The following CYP24A1 variants were observed in gnomAD, a reference collection of about 807,000 sequenced individuals.
The protein encoded by CYP24A1 is 1,25-dihydroxyvitamin D(3) 24-hydroxylase, mitochondrial.
In CYP24A1, 68 loss-of-function variants were observed where a neutral mutation model predicts 62.4. That is an observed-to-expected ratio of 1.09 (90% CI 0.90 to 1.33). The LOEUF is 1.33. CYP24A1 is among the 40% of genes most tolerant of loss of function. The probability of loss-of-function intolerance (pLI) is 0.00; values close to 1 mark genes in which losing one functional copy is unlikely to be tolerated. For missense variants in CYP24A1, 787 were observed against 653.0 expected, an observed-to-expected ratio of 1.21 and a Z score of -2.24; for synonymous variants, 267 against 253.0, an observed-to-expected ratio of 1.06 and a Z score of -0.52.
intron 6 of CYP24A1, among the ~76,000 whole-genome samples, chr20:54,163,911 A>G (rs2092661609): frequency 6.6e-6 from 1 of 152,114 alleles, no homozygotes; most frequent in South Asian, 2.1e-4. Context: ...GCTGAACTTG[A>G]ACTCAGGAGT....
At chr20:54,146,671 C>G in the CYP24A1 span, among the ~76,000 whole-genome samples, 1 of 152,184 alleles carries the variant, frequency 6.6e-6, no homozygotes, top group Non-Finnish European at 1.5e-5. Flanking sequence ...CTTTACCTTT[C>G]TGCTCAATGT....
At chr20:54,158,892 C>T (rs982273672) in intron 8 of CYP24A1, 65 bp downstream of exon 8, 2 of 1,613,416 alleles carry the variant, frequency 1.2e-6, no homozygotes, top group African/African-American at 2.7e-5. Flanking sequence ...TAGGGGACCA[C>T]TTGTTTTGTG....
Position 54,165,750 on chromosome 20 carries a change from TG to T in CYP24A1, c.723del (p.Ile242SerfsTer4). On this transcript the variant is annotated frameshift_variant, in exon 5 of 12. Coordinates refer to ENST00000216862, the MANE Select transcript of CYP24A1 (RefSeq NM_000782.5). LOFTEE classifies it high-confidence loss of function. Reference sequence around the variant, plus strand: ...TTAAAGAGGCTGCTTACTGTTTTGATGGCCATGATGAAGTTCACAGCTTCAT... The same window carrying T: ...TTAAAGAGGCTGCTTACTGTTTTGATGCCATGATGAAGTTCACAGCTTCAT... ...AGDEAVNFIM[A>X]IKTMMSTFGR... 2 of 1,448,074 alleles carry T rather than the reference TG, an allele frequency of 1.4e-6. No homozygotes were observed. Among genetic ancestry groups the T allele is most frequent in the Non-Finnish European group, 1.9e-6 (2 of 1,028,052 alleles). The allele number at this position is 1,448,074 out of a possible 1,614,324, so 89.7% of individuals were successfully genotyped here. A position where few individuals can be genotyped will look rare whatever the true frequency, so the allele number is the denominator to read the frequency against.
intron 11 of CYP24A1, among the ~76,000 whole-genome samples, chr20:54,156,328 T>C (rs1341195771): frequency 6.6e-6 from 1 of 152,136 alleles, no homozygotes; most frequent in Non-Finnish European, 1.5e-5. Flanking sequence ...CTGGATAATA[T>C]CTTGTCAGAC....
In CYP24A1 at chr20:54,162,761, A is replaced by G; in HGVS notation, c.946T>C (p.Leu316=). 1.9e-6 allele frequency: 3 copies of G among 1,597,102 alleles called. No homozygotes were observed. Among genetic ancestry groups the G allele is most frequent in the Non-Finnish European group, 1.7e-6 (2 of 1,164,802 alleles). Residue 316 remains leucine, a synonymous_variant, in exon 7 of 12, where the codon TTG becomes CTG. Transcript: ENST00000216862. ...TGGAGCTCTGTGACAGCAGCATACA[A>G]TTCTTTCTTTGAAAGCCGATTCTGG... ...YHQNRLSKKE[L]YAAVTELQLA...
chr20:54,171,669 C>T lies in CYP24A1; in HGVS notation c.451G>A (p.Glu151Lys). Residue 151 changes from glutamate to lysine, a missense_variant and splice_region_variant, in exon 3 of 12, where the codon GAA becomes AAA. By Grantham distance (56) the Glu-to-Lys change is moderately conservative. Transcript: ENST00000216862. ...CGGACCCGCTGCCAGTCTTCCCCTT[C>T]CCTGTGAGAGAAGCAGGAATACATT... Reference protein sequence around the residue: ...RKEGYGLLILEGEDWQRVRSA... With the variant: ...RKEGYGLLILKGEDWQRVRSA... 4 of 1,613,878 alleles carry T rather than the reference C, an allele frequency of 2.5e-6. No homozygotes were observed. The highest frequency in any genetic ancestry group is 2.5e-6 in the Non-Finnish European group (3 of 1,179,866).
chr20:54,153,367 G>C (rs948850938), downstream of CYP24A1: 1 of 152,322 alleles, frequency 6.6e-6, no homozygotes. Context: ...GGCCATATGA[G>C]AAAATTTTCT....
At chr20:54,170,005 A>C (rs1434122553) in intron 3 of CYP24A1, among the ~76,000 whole-genome samples, 1 of 152,224 alleles carries the variant, frequency 6.6e-6, no homozygotes, top group Non-Finnish European at 1.5e-5. Context: ...GGGGGAATAA[A>C]ACCACAAAGG....
At chr20:54,171,398 A>G (rs1444714473) in intron 3 of CYP24A1, among the ~76,000 whole-genome samples, 179 bp downstream of exon 3, 48 of 152,076 alleles carry the variant, frequency 3.2e-4, no homozygotes, top group Admixed American at 3.1e-3. Context: ...GAGGAGGGAG[A>G]AATAAGGGTT....
intron 6 of CYP24A1, 41 bp downstream of exon 6, chr20:54,164,411 G>A: frequency 6.2e-7 from 1 of 1,613,716 alleles, no homozygotes; most frequent in Non-Finnish European, 8.5e-7. Flanking sequence ...ACACGGGGGT[G>A]CTGGGCTGGT....
downstream of CYP24A1, among the ~76,000 whole-genome samples, chr20:54,149,929 A>G (rs2092610095): frequency 6.6e-6 from 1 of 152,178 alleles, no homozygotes; most frequent in Admixed American, 6.5e-5. Flanking sequence ...CCCTAGACAT[A>G]AGCCAACTAC....
At chr20:54,158,221 T>C in intron 8 of CYP24A1, 57 bp from the exon 9 acceptor site, 2 of 1,608,582 alleles carry the variant, frequency 1.2e-6, no homozygotes, top group Non-Finnish European at 1.7e-6. Flanking sequence ...CTCTCTGAAG[T>C]GTCAATGGGA....
At chr20:54,143,674 T>A in the CYP24A1 span, among the ~76,000 whole-genome samples, 1 of 151,634 alleles carries the variant, frequency 6.6e-6, no homozygotes, top group Non-Finnish European at 1.5e-5. Context: ...AATTCTAAGG[T>A]GATAGAGATC....
chr20:54,158,208 G>A, intron 8 of CYP24A1, 44 bp from the exon 9 acceptor site: 1 of 1,611,218 alleles, frequency 6.2e-7, no homozygotes, highest in East Asian at 2.2e-5. Flanking sequence ...CACAGTCTAA[G>A]TTCTCTCTGA....
Position 54,173,180 on chromosome 20 carries a change from C to A in CYP24A1, c.259-81G>T. On this transcript the variant is annotated intron_variant, in intron 1 of 11. Coordinates refer to ENST00000216862, the MANE Select transcript of CYP24A1 (RefSeq NM_000782.5). This position sits in a 1 kb window ranked among gnomAD's most constrained non-coding sequence, Gnocchi z 7.2. Reference sequence around the variant, plus strand: ...GCGCTTTCCCTCCTCCCGCCTCCTTCCTCCTAGGGGACCGGGGACCCTCCC... The same window carrying A: ...GCGCTTTCCCTCCTCCCGCCTCCTTACTCCTAGGGGACCGGGGACCCTCCC... 6.4e-7 allele frequency: 1 copy of A among 1,552,916 alleles called. No individual in the cohort carries two copies. Among genetic ancestry groups the A allele is most frequent in the Non-Finnish European group, 8.8e-7 (1 of 1,135,680 alleles).
In CYP24A1 at chr20:54,173,324, G is replaced by C. The variant is rs751354816; in HGVS notation, c.256C>G (p.Leu86Val). 5 of 1,608,504 alleles carry C rather than the reference G, an allele frequency of 3.1e-6. No individual in the cohort carries two copies. In the African/African-American group the frequency reaches 6.7e-5, roughly 21 times the overall value. The change falls in exon 1 of 12, where the codon CTG (leucine) becomes GTG (valine). Residue 86 changes from leucine (L) to valine (V), a missense_variant and splice_region_variant. Physicochemically the swap from Leu to Val is conservative, Grantham distance 32. Transcript: ENST00000216862. This position sits in a 1 kb window ranked among gnomAD's most constrained non-coding sequence, Gnocchi z 7.2. ...CAGGGGCGCGAAAAGGGGTTTACCA[G>C]GGTGTCGTGCTGTTTCTTGAGACCC... Reference protein sequence around the residue: ...KGGLKKQHDTLVEYHKKYGKI... With the variant: ...KGGLKKQHDTVVEYHKKYGKI...
At chr20:54,147,118 G>T in the CYP24A1 span, among the ~76,000 whole-genome samples, 1 of 152,194 alleles carries the variant, frequency 6.6e-6, no homozygotes, top group Non-Finnish European at 1.5e-5. Flanking sequence ...AGACAGACTG[G>T]GGTTTCAGTC....
At chr20:54,153,159 C>G (rs571287084), downstream of CYP24A1, among the ~76,000 whole-genome samples, 1 of 152,142 alleles carries the variant, frequency 6.6e-6, no homozygotes, top group African/African-American at 2.4e-5. Flanking sequence ...CGTTCTACCC[C>G]CCTTTCAATC....
downstream of CYP24A1, among the ~76,000 whole-genome samples, chr20:54,150,323 GA>G: frequency 6.6e-6 from 1 of 152,260 alleles, no homozygotes; most frequent in African/African-American, 2.4e-5. Context: ...GATATAGCAG[GA>G]AAAATCCTAG....
Sources: gnomAD v4.1 joint callset for allele counts (sites outside exome capture counted in the v4.1 genomes callset) on GRCh38, gnomAD v4.1.1 for gene constraint, Gnocchi (gnomAD v3.1) non-coding constraint, MANE v1.5 for transcripts, NCBI Gene and HGNC (gene_info 2026-07-23, HGNC 2026-07-21) for gene names.